The following CDC42SE2 variants were observed in gnomAD, a reference collection of about 807,000 sequenced individuals.
CDC42SE2 encodes CDC42 small effector protein 2.
Under a neutral mutation model 11.5 loss-of-function variants are expected in CDC42SE2, and 3 were observed. The observed-to-expected ratio is 0.26, with a 90% confidence interval of 0.12 to 0.67. The LOEUF is 0.67. Ranked by LOEUF, CDC42SE2 falls within the 30% of genes least tolerant of loss-of-function variation. The probability of loss-of-function intolerance (pLI) is 0.80; values close to 1 mark genes in which losing one functional copy is unlikely to be tolerated. For missense variants in CDC42SE2, 82 were observed against 106.8 expected, an observed-to-expected ratio of 0.77 and a Z score of 1.02; for synonymous variants, 33 against 34.8, an observed-to-expected ratio of 0.95 and a Z score of 0.18.
At chr5:131,276,694 C>G (rs913898171) in intron 1 of CDC42SE2, among the ~76,000 whole-genome samples, 3 of 151,046 alleles carry the variant, frequency 2.0e-5, no homozygotes, top group African/African-American at 7.3e-5. Flanking sequence ...TATGCAGATA[C>G]AATTTAGACT....
chr5:131,372,377 G>T (rs530390480), intron 3 of CDC42SE2, among the ~76,000 whole-genome samples: 4 of 152,006 alleles, frequency 2.6e-5, no homozygotes, highest in Middle Eastern at 3.2e-3. Flanking sequence ...AACCAAACAA[G>T]TTTTTCCCCT....
chr5:131,299,198 A>G (rs533636924), intron 1 of CDC42SE2, among the ~76,000 whole-genome samples: 1 of 152,208 alleles, frequency 6.6e-6, no homozygotes, highest in Non-Finnish European at 1.5e-5. Context: ...TCCTGAGGAT[A>G]ATAGTCATTA....
chr5:131,348,142 A>C (rs556940049), intron 2 of CDC42SE2, among the ~76,000 whole-genome samples: 8 of 152,278 alleles, frequency 5.3e-5, no homozygotes, highest in Admixed American at 1.3e-4. Context: ...AAGTTCTGGC[A>C]AGGGCAATCA....
At chr5:131,301,452 A>G (rs1028606910) in intron 1 of CDC42SE2, among the ~76,000 whole-genome samples, 3 of 152,152 alleles carry the variant, frequency 2.0e-5, no homozygotes, top group African/African-American at 7.2e-5. Context: ...ATGTAGAATT[A>G]TATTTCAATT....
rs1397658030 is a variant in CDC42SE2, at chr5:131,392,209, G to A, written c.*1118G>A. On this transcript the variant is annotated 3_prime_UTR_variant, in exon 5 of 5. Transcript: ENST00000505065. Reference sequence around the variant, plus strand: ...CGACCCCCTGCCTTACGATTTTATTGGAAAGCAAGGACCTGCTATTATTTG... The same window carrying A: ...CGACCCCCTGCCTTACGATTTTATTAGAAAGCAAGGACCTGCTATTATTTG... 6.6e-6 allele frequency: 1 copy of A among 152,130 alleles called. No individual in the cohort carries two copies. The highest frequency in any genetic ancestry group is 1.9e-4 in the East Asian group (1 of 5,316). The allele number at this position is 152,130 out of a possible 1,614,324, so 9.4% of individuals were successfully genotyped here. A position where few individuals can be genotyped will look rare whatever the true frequency, so the allele number is the denominator to read the frequency against.
chr5:131,392,247 C>G lies in CDC42SE2; in HGVS notation c.*1156C>G, dbSNP rs1310458976. The G allele has an allele frequency of 6.6e-6, 1 of 152,554 alleles. No homozygotes were observed. Among genetic ancestry groups the G allele is most frequent in the Non-Finnish European group, 1.5e-5 (1 of 68,008 alleles). The allele number at this position is 152,554 out of a possible 1,614,324, so 9.5% of individuals were successfully genotyped here. A position where few individuals can be genotyped will look rare whatever the true frequency, so the allele number is the denominator to read the frequency against. Reference sequence around the variant, plus strand: ...CTGCTATTATTTGTTAATTTGCCATCATTTATGTATATTTTGGAAGGTATG... The same window carrying G: ...CTGCTATTATTTGTTAATTTGCCATGATTTATGTATATTTTGGAAGGTATG... On this transcript the variant is annotated 3_prime_UTR_variant, in exon 5 of 5. Transcript: ENST00000505065.
chr5:131,306,552 A>G (rs976150328), intron 1 of CDC42SE2, among the ~76,000 whole-genome samples: 3 of 152,094 alleles, frequency 2.0e-5, no homozygotes, highest in South Asian at 2.1e-4. Flanking sequence ...TGTTTTGCTC[A>G]AGATTGCTTT....
chr5:131,354,068 T>G (rs1456513320), intron 2 of CDC42SE2, among the ~76,000 whole-genome samples: 1 of 151,934 alleles, frequency 6.6e-6, no homozygotes, highest in Non-Finnish European at 1.5e-5. Flanking sequence ...AGTGAGACCT[T>G]GTCTCTACAA....
the CDC42SE2 span, among the ~76,000 whole-genome samples, chr5:131,232,570 T>C: frequency 6.6e-6 from 1 of 151,788 alleles, no homozygotes; most frequent in East Asian, 1.9e-4. Context: ...CCATCTCTAC[T>C]AAAAATACCA....
chr5:131,294,835 T>C (rs1757533590), intron 1 of CDC42SE2, among the ~76,000 whole-genome samples: 1 of 151,740 alleles, frequency 6.6e-6, no homozygotes, highest in Admixed American at 6.6e-5. Flanking sequence ...CTACTAAAAA[T>C]AGAAAAATTA....
At chr5:131,249,308 A>G (rs867009135) in intron 1 of CDC42SE2, among the ~76,000 whole-genome samples, 25 of 151,662 alleles carry the variant, frequency 1.6e-4, no homozygotes, top group Middle Eastern at 3.4e-3. Flanking sequence ...GTGAGCCACC[A>G]CGACCGGCCA....
At chr5:131,246,437 A>G (rs1756582785) in intron 1 of CDC42SE2, among the ~76,000 whole-genome samples, 1 of 152,184 alleles carries the variant, frequency 6.6e-6, no homozygotes, top group Non-Finnish European at 1.5e-5. Context: ...CTGGGTGACA[A>G]GAGTGAAGCT....
In CDC42SE2 at chr5:131,337,855, G is replaced by A. The variant is rs185447768; in HGVS notation, c.-285-21354G>A. ...AGGGTGGGAGTTACCCGATTTTCCA[G>A]GTGCTGTCTGTCACCCTTTTCTTTG... On this transcript the variant is annotated intron_variant, in intron 2 of 4. Coordinates refer to ENST00000505065, the MANE Select transcript of CDC42SE2 (RefSeq NM_001375635.1). Among the ~76,000 whole-genome samples, 8 of 152,370 alleles carry A rather than the reference G, an allele frequency of 5.3e-5. No homozygotes were observed. The East Asian group carries it at 1.5e-3, about 29-fold the overall frequency.
chr5:131,382,557 T>C (rs913905886), intron 3 of CDC42SE2, among the ~76,000 whole-genome samples: 1 of 152,142 alleles, frequency 6.6e-6, no homozygotes, highest in African/African-American at 2.4e-5. Context: ...TGATCAAGAC[T>C]CCTCCTAGTG....
the CDC42SE2 span, among the ~76,000 whole-genome samples, chr5:131,216,516 AAAAAAAC>A: frequency 6.0e-5 from 9 of 149,682 alleles, no homozygotes; most frequent in African/African-American, 2.0e-4. Flanking sequence ...AAAAAAAAAA[AAAAAAAC>A]ATTATAGACT....
chr5:131,377,624 T>C, intron 3 of CDC42SE2, among the ~76,000 whole-genome samples: 1 of 152,168 alleles, frequency 6.6e-6, no homozygotes, highest in Non-Finnish European at 1.5e-5. Context: ...TGACTAGAGC[T>C]CAGAAACCTG....
At chr5:131,367,092 ACAAT>A (rs1749880021) in intron 3 of CDC42SE2, among the ~76,000 whole-genome samples, 1 of 151,434 alleles carries the variant, frequency 6.6e-6, no homozygotes, top group Non-Finnish European at 1.5e-5. Context: ...GTCAAAATAT[ACAAT>A]CAAATATATA....
At chr5:131,368,495 C>G (rs1276758272) in intron 3 of CDC42SE2, among the ~76,000 whole-genome samples, 1 of 152,102 alleles carries the variant, frequency 6.6e-6, no homozygotes, top group African/African-American at 2.4e-5. Context: ...AGTCTTAGTC[C>G]TTGACTATTA....
chr5:131,220,666 A>T, the CDC42SE2 span, among the ~76,000 whole-genome samples: 1 of 152,216 alleles, frequency 6.6e-6, no homozygotes, highest in African/African-American at 2.4e-5. Flanking sequence ...CACAAAATAA[A>T]TCAAGGCAGA....
Sources: allele counts gnomAD v4.1 joint callset (sites outside exome capture counted in the v4.1 genomes callset), GRCh38; gene constraint gnomAD v4.1.1; transcripts MANE v1.5; gene names NCBI Gene and HGNC (gene_info 2026-07-23, HGNC 2026-07-21).